PTPRT: variants seen among roughly 807,000 people sequenced by gnomAD.
PTPRT encodes receptor-type tyrosine-protein phosphatase T.
A neutral mutation model predicts 176.8 loss-of-function variants in PTPRT; 56 were observed. The ratio of observed to expected loss-of-function variants is 0.32; its 90% CI spans 0.26 to 0.40. PTPRT has a LOEUF of 0.40. Ranked by LOEUF, PTPRT falls within the 10% of genes least tolerant of loss-of-function variation. The probability of loss-of-function intolerance (pLI) is 1.00; values close to 1 mark genes in which losing one functional copy is unlikely to be tolerated. For synonymous variants in PTPRT, 783 were observed against 739.0 expected, an observed-to-expected ratio of 1.06 and a Z score of -0.96; for missense variants, 1,540 against 1,908.2, an observed-to-expected ratio of 0.81 and a Z score of 3.60.
At chr20:42,867,055 C>A (rs576624996) in intron 2 of PTPRT, among the ~76,000 whole-genome samples, 1 of 152,310 alleles carries the variant, frequency 6.6e-6, no homozygotes, top group Non-Finnish European at 1.5e-5. Context: ...CTGAACATAC[C>A]ACATACTTTG....
the PTPRT span, among the ~76,000 whole-genome samples, chr20:42,042,627 A>G: frequency 5.3e-5 from 8 of 152,070 alleles, no homozygotes; most frequent in Non-Finnish European, 7.4e-5. Flanking sequence ...CACACATAGT[A>G]CCTCCCTCAT....
intron 6 of PTPRT, among the ~76,000 whole-genome samples, chr20:42,692,389 A>C (rs1013393785): frequency 6.6e-6 from 1 of 152,242 alleles, no homozygotes; most frequent in South Asian, 2.1e-4. Context: ...GATTGATTTA[A>C]TATTAGAAAA....
rs538522873 is a variant in PTPRT at position 42,374,606 on chromosome 20, T to C, written c.1561-22321A>G. Among the ~76,000 whole-genome samples the C allele has an allele frequency of 2.0e-5, 3 of 152,018 alleles. No homozygotes were observed. In the East Asian group the frequency reaches 5.8e-4, roughly 29 times the overall value. ...TCAATAAAAAAGAAGAACATGCAAA[T>C]AGAAAAACAATGATAAATGACATGA... On this transcript the variant is annotated intron_variant, in intron 9 of 30. Transcript: ENST00000373187.
chr20:42,271,564 C>A (rs1035704816), intron 13 of PTPRT, among the ~76,000 whole-genome samples: 1 of 152,092 alleles, frequency 6.6e-6, no homozygotes, highest in Non-Finnish European at 1.5e-5. Flanking sequence ...TTGCATTGTG[C>A]CTGACACATA....
chr20:42,683,903 G>A lies in PTPRT; in HGVS notation c.860-5744C>T, dbSNP rs144076393. Among the ~76,000 whole-genome samples, 614 of 152,284 alleles carry A rather than the reference G, an allele frequency of 4.0e-3. 7 individuals are homozygous for A. In the Middle Eastern group the frequency reaches 0.044, roughly 11 times the overall value. ...AAAGTCCCTAAATTTTCTCTACCAA[G>A]GGCCACAGGGATTCTATGTGTACTG... On this transcript the variant is annotated intron_variant, in intron 6 of 30. Transcript: ENST00000373187.
intron 16 of PTPRT, among the ~76,000 whole-genome samples, chr20:42,176,909 A>G (rs1428377177): frequency 6.6e-6 from 1 of 152,198 alleles, no homozygotes; most frequent in Admixed American, 6.5e-5. Flanking sequence ...TCCTTTCTCC[A>G]TTTCAAACTA....
At chr20:42,211,563 C>T (rs1472513448) in intron 15 of PTPRT, among the ~76,000 whole-genome samples, 1 of 147,248 alleles carries the variant, frequency 6.8e-6, no homozygotes, top group Non-Finnish European at 1.5e-5. Context: ...CCATCACTGG[C>T]CATCAGAGAA....
chr20:42,148,576 A>G (rs6030001), intron 17 of PTPRT, among the ~76,000 whole-genome samples: 20,313 of 151,942 alleles, frequency 0.13, 3,493 homozygotes, highest in African/African-American at 0.4. Flanking sequence ...TGTGGGGAGA[A>G]CTCTGAAAAG....
At chr20:42,510,276 C>A (rs1006205038) in intron 7 of PTPRT, among the ~76,000 whole-genome samples, 2 of 152,052 alleles carry the variant, frequency 1.3e-5, no homozygotes, top group African/African-American at 2.4e-5. Flanking sequence ...CCACAGCAGT[C>A]CCAGCAAATT....
intron 7 of PTPRT, among the ~76,000 whole-genome samples, chr20:42,668,155 T>C (rs1293441844): frequency 6.6e-6 from 1 of 152,188 alleles, no homozygotes; most frequent in Non-Finnish European, 1.5e-5. Context: ...GAAAAAAAGT[T>C]AAACAATTGA....
intron 6 of PTPRT, among the ~76,000 whole-genome samples, chr20:42,728,676 C>T (rs73907250): frequency 0.019 from 2,819 of 152,292 alleles, 92 homozygotes; most frequent in African/African-American, 0.063. Context: ...AAAGGTATCG[C>T]AGCCAAAGTC....
rs751972373 is a variant in PTPRT at position 42,448,230 on chromosome 20, G to A, written c.1550C>T (p.Thr517Met). The A allele has an allele frequency of 5.0e-5, 81 of 1,610,102 alleles. No homozygotes were observed. Among genetic ancestry groups the A allele is most frequent in the South Asian group, 8.8e-5 (8 of 90,998 alleles). ...AAGGGACCTCCTTACCTCGTAGAGC[G>A]TGATGACCCCATTGGTCTCATTGGG... ...KPPNETNGVITLYEINYKAVG... is the reference protein window; with the variant it reads ...KPPNETNGVIMLYEINYKAVG... The change falls in exon 9 of 31, where the codon ACG becomes ATG. Residue 517 changes from threonine to methionine, a missense_variant. This residue lies in a region of PTPRT where 136 missense variants were observed against 135.0 expected (regional missense o/e 1.01). Transcript: ENST00000373187.
chr20:42,085,078 C>T (rs1040683603), intron 28 of PTPRT, among the ~76,000 whole-genome samples: 1 of 152,166 alleles, frequency 6.6e-6, no homozygotes, highest in African/African-American at 2.4e-5. Flanking sequence ...GCTCAGCCTT[C>T]AAAACCCAAT....
chr20:42,677,704 C>A (rs2425514), intron 7 of PTPRT, among the ~76,000 whole-genome samples, 162 bp downstream of exon 7: 43,176 of 151,224 alleles, frequency 0.29, 6,317 homozygotes, highest in African/African-American at 0.32. Context: ...AACAAACAAA[C>A]AAAAAAAACC....
intron 9 of PTPRT, among the ~76,000 whole-genome samples, chr20:42,407,819 T>C (rs1453380607): frequency 6.6e-6 from 1 of 152,120 alleles, no homozygotes; most frequent in East Asian, 1.9e-4. Flanking sequence ...ATAATTTGGC[T>C]AGAATCTATC....
chr20:42,973,476 T>C (rs951649728), intron 1 of PTPRT, among the ~76,000 whole-genome samples: 9 of 151,860 alleles, frequency 5.9e-5, no homozygotes, highest in Non-Finnish European at 1.0e-4. Context: ...TGTGTGTGCA[T>C]CATATTGCTC....
At chr20:42,909,804 C>T (rs972532709) in intron 1 of PTPRT, among the ~76,000 whole-genome samples, 16 of 152,170 alleles carry the variant, frequency 1.1e-4, no homozygotes, top group Non-Finnish European at 4.4e-5. Context: ...TGCTTTCACA[C>T]AAGCATGTTG....
At chr20:42,994,249 T>G (rs6030593) in intron 1 of PTPRT, among the ~76,000 whole-genome samples, 64,241 of 151,838 alleles carry the variant, frequency 0.42, 14,993 homozygotes, top group African/African-American at 0.62. Context: ...TTCCAAGCCT[T>G]ACCATAAACT....
At chr20:42,535,504 G>A (rs539874213) in intron 7 of PTPRT, among the ~76,000 whole-genome samples, 1 of 152,294 alleles carries the variant, frequency 6.6e-6, no homozygotes, top group African/African-American at 2.4e-5. Flanking sequence ...GATGTAAGTT[G>A]GTAGAGCCAC....
Sources: gnomAD v4.1 joint callset for allele counts (sites outside exome capture counted in the v4.1 genomes callset) on GRCh38, gnomAD v4.1.1 for gene constraint, gnomAD v4.1.1 regional missense constraint, MANE v1.5 for transcripts, NCBI Gene and HGNC (gene_info 2026-07-23, HGNC 2026-07-21) for gene names.